COL4A6: variants seen among roughly 807,000 people sequenced by gnomAD.
COL4A6 encodes the protein collagen alpha-6(IV) chain.
A neutral mutation model predicts 126.7 loss-of-function variants in COL4A6; 59 were observed. The ratio of observed to expected loss-of-function variants is 0.47; its 90% CI spans 0.38 to 0.58. COL4A6 has a LOEUF of 0.58. Among genes scored for constraint, COL4A6 ranks in the 20% least tolerant of loss-of-function variants. The probability of loss-of-function intolerance (pLI) is 0.00; values close to 1 mark genes in which losing one functional copy is unlikely to be tolerated. For missense variants in COL4A6, 1,285 were observed against 1,337.3 expected (o/e 0.96, Z 0.61); for synonymous variants, 547 against 496.6 (o/e 1.10, Z -1.35).
chrX:108,321,746 C>A (rs758359571), intron 2 of COL4A6, among the ~76,000 whole-genome samples: 2 of 110,843 alleles, frequency 1.8e-5, no homozygotes, highest in East Asian at 5.7e-4. Context: ...CCAGTGGCCT[C>A]AGGGTCCAGA....
intron 3 of COL4A6, among the ~76,000 whole-genome samples, chrX:108,266,037 G>C (rs2037292628): frequency 8.9e-6 from 1 of 111,934 alleles, no homozygotes; most frequent in Non-Finnish European, 1.9e-5. Flanking sequence ...GGCATCCTTG[G>C]AGGCAGACAT....
chrX:108,356,598 C>T (rs781440411), intron 2 of COL4A6, among the ~76,000 whole-genome samples: 152 of 110,992 alleles, frequency 1.4e-3, no homozygotes, highest in African/African-American at 4.9e-3. Context: ...TACCCCTGAG[C>T]CCCAAGACTT....
intron 18 of COL4A6, 86 bp downstream of exon 18, chrX:108,192,387 C>T (rs1417378759): frequency 5.0e-5 from 33 of 662,556 alleles, no homozygotes; most frequent in Non-Finnish European, 7.0e-5. Flanking sequence ...AGGTGTGTGC[C>T]CCGACCCAGA....
At chrX:108,288,214 A>G (rs2038057767) in intron 3 of COL4A6, among the ~76,000 whole-genome samples, 1 of 112,093 alleles carries the variant, frequency 8.9e-6, no homozygotes, top group Non-Finnish European at 1.9e-5. Flanking sequence ...TAATTTTGAT[A>G]TAGAAAAGCT....
chrX:108,238,000 CTCTA>C (rs1441099965), intron 3 of COL4A6, among the ~76,000 whole-genome samples: 7 of 108,610 alleles, frequency 6.4e-5, no homozygotes, highest in South Asian at 4.0e-4. Context: ...CTCTATGTGT[CTCTA>C]TCTATCTGTC....
chrX:108,160,667 G>T lies in COL4A6; in HGVS notation c.4334-13C>A, dbSNP rs758564021. 8.4e-7 allele frequency: 1 copy of T among 1,188,403 alleles called. No homozygotes were observed. The highest frequency in any genetic ancestry group is 2.4e-4 in the Middle Eastern group (1 of 4,234). ...TGCCCTGGAGCTCCTGAGAGAGACA[G>T]ATCATAAAAGGTGAGTGTGGTGCAG... On this transcript the variant is annotated splice_polypyrimidine_tract_variant and intron_variant, in intron 42 of 44. Coordinates refer to ENST00000334504, the MANE Select transcript of COL4A6 (RefSeq NM_033641.4).
chrX:108,232,966 T>C (rs1418907076), intron 3 of COL4A6, among the ~76,000 whole-genome samples: 1 of 111,824 alleles, frequency 8.9e-6, no homozygotes, highest in African/African-American at 3.2e-5. Context: ...GAGCTTTCAG[T>C]AGAAAAAAGA....
intron 3 of COL4A6, among the ~76,000 whole-genome samples, chrX:108,309,503 T>G (rs767900273): frequency 8.1e-5 from 9 of 111,315 alleles, no homozygotes; most frequent in Non-Finnish European, 1.7e-4. Context: ...GTCCATGTCT[T>G]TAATGTAGAA....
intron 42 of COL4A6, among the ~76,000 whole-genome samples, chrX:108,160,992 C>T (rs1602699133): frequency 8.9e-6 from 1 of 112,003 alleles, no homozygotes; most frequent in Non-Finnish European, 1.9e-5. Flanking sequence ...GAGAGGGATA[C>T]TTCTCAGGTC....
chrX:108,167,221 C>G (rs918837933), intron 37 of COL4A6, among the ~76,000 whole-genome samples: 4 of 112,329 alleles, frequency 3.6e-5, no homozygotes, highest in African/African-American at 1.3e-4. Flanking sequence ...CTTGAAAAAA[C>G]AAAATACATA....
chrX:108,259,022 G>T (rs1273394245), intron 3 of COL4A6, among the ~76,000 whole-genome samples: 1 of 111,368 alleles, frequency 9.0e-6, no homozygotes, highest in Non-Finnish European at 1.9e-5. Context: ...AATAAGAATA[G>T]TCCCTATTGA....
intron 2 of COL4A6, among the ~76,000 whole-genome samples, chrX:108,365,652 A>C (rs2040183992): frequency 8.9e-6 from 1 of 112,388 alleles, no homozygotes; most frequent in East Asian, 2.8e-4. Flanking sequence ...GGAGAAGCGA[A>C]TGTGGGCTGG....
intron 3 of COL4A6, among the ~76,000 whole-genome samples, chrX:108,259,309 C>T (rs2037094206): frequency 9.0e-6 from 1 of 111,479 alleles, no homozygotes; most frequent in Non-Finnish European, 1.9e-5. Context: ...ATGGGAAAAT[C>T]CACCAAATAA....
chrX:108,385,335 A>T (rs1244498545), intron 2 of COL4A6, among the ~76,000 whole-genome samples: 3 of 111,292 alleles, frequency 2.7e-5, no homozygotes, highest in South Asian at 7.6e-4. Context: ...AAACATTTTT[A>T]AAAAGATATT....
At chrX:108,244,177 A>G (rs1248386837) in intron 3 of COL4A6, among the ~76,000 whole-genome samples, 6 of 107,690 alleles carry the variant, frequency 5.6e-5, no homozygotes, top group African/African-American at 2.0e-4. Context: ...TTCTCTGATC[A>G]CACCAAGCAA....
intron 2 of COL4A6, among the ~76,000 whole-genome samples, chrX:108,396,776 G>T (rs1159944509): frequency 9.0e-6 from 1 of 111,073 alleles, no homozygotes; most frequent in Non-Finnish European, 1.9e-5. Flanking sequence ...GTGAAGTCAG[G>T]GAAGACAATC....
At chrX:108,207,624 AT>A (rs1183275283) in intron 8 of COL4A6, among the ~76,000 whole-genome samples, 5 of 109,749 alleles carry the variant, frequency 4.6e-5, no homozygotes, top group Admixed American at 9.7e-5. Context: ...ACTGATTGAA[AT>A]TTTTTTTTTA....
chrX:108,286,220 A>G (rs772305718), intron 3 of COL4A6, among the ~76,000 whole-genome samples: 2 of 112,421 alleles, frequency 1.8e-5, no homozygotes, highest in African/African-American at 6.5e-5. Flanking sequence ...GAAAGTATAT[A>G]GAAGTGTGGG....
intron 3 of COL4A6, among the ~76,000 whole-genome samples, chrX:108,276,191 A>G (rs2037597193): frequency 8.9e-6 from 1 of 112,940 alleles, no homozygotes; most frequent in Non-Finnish European, 1.9e-5. Context: ...TATTTTCCAG[A>G]CCTATGTCTT....
Sources: allele counts gnomAD v4.1 joint callset (sites outside exome capture counted in the v4.1 genomes callset), GRCh38; gene constraint gnomAD v4.1.1; transcripts MANE v1.5; gene names NCBI Gene and HGNC (gene_info 2026-07-23, HGNC 2026-07-21).